AIDA: variants seen among roughly 807,000 people sequenced by gnomAD.
AIDA encodes axin interactor, dorsalization associated.
Under a neutral mutation model 42.7 loss-of-function variants are expected in AIDA, and 18 were observed. That is an observed-to-expected ratio of 0.42 (90% confidence interval 0.29 to 0.63). The LOEUF (loss-of-function observed/expected upper bound fraction) is 0.63, where lower values mean the gene tolerates loss of function less well. Among genes scored for constraint, AIDA ranks in the 20% least tolerant of loss-of-function variants. The probability of loss-of-function intolerance (pLI) is 0.19; values close to 1 mark genes in which losing one functional copy is unlikely to be tolerated. For missense variants in AIDA, 250 were observed against 354.1 expected (o/e 0.71, Z 2.36); for synonymous variants, 104 against 122.9 (o/e 0.85, Z 1.02).
chr1:222,693,411 G>A (rs903595330), intron 4 of AIDA, among the ~76,000 whole-genome samples: 5 of 152,124 alleles, frequency 3.3e-5, no homozygotes, highest in Non-Finnish European at 7.4e-5. Flanking sequence ...ATTTTGCAGA[G>A]CAGCTCCAAC....
intron 6 of AIDA, among the ~76,000 whole-genome samples, chr1:222,678,682 A>C (rs769070295): frequency 2.6e-5 from 4 of 152,154 alleles, no homozygotes; most frequent in Non-Finnish European, 4.4e-5. Flanking sequence ...TTTCATCTCC[A>C]CCATGAAGGT....
chr1:222,700,914 T>G (rs1388243663), intron 2 of AIDA, among the ~76,000 whole-genome samples: 1 of 150,224 alleles, frequency 6.7e-6, no homozygotes, highest in Non-Finnish European at 1.5e-5. Flanking sequence ...TAAGAAAAAG[T>G]TAATTTTTTC....
At chr1:222,712,105 A>G (rs575394592) in intron 1 of AIDA, 103 bp downstream of exon 1, 86 of 1,520,872 alleles carry the variant, frequency 5.7e-5, no homozygotes, top group Non-Finnish European at 7.1e-5. Context: ...CCCCACCCTG[A>G]GAAGCCTTGG....
chr1:222,674,524 TC>T (rs1664512035), intron 7 of AIDA, among the ~76,000 whole-genome samples: 2 of 152,032 alleles, frequency 1.3e-5, no homozygotes, highest in African/African-American at 4.8e-5. Context: ...ATTATCAGAA[TC>T]CCCCTGCTGT....
At chr1:222,701,389 A>T (rs1414482467) in intron 2 of AIDA, among the ~76,000 whole-genome samples, 2 of 152,212 alleles carry the variant, frequency 1.3e-5, no homozygotes, top group Non-Finnish European at 2.9e-5. Context: ...TAACTCAAAC[A>T]GGTGATTAAA....
At chr1:222,695,370 T>C (rs1283393777) in intron 2 of AIDA, among the ~76,000 whole-genome samples, 2 of 152,138 alleles carry the variant, frequency 1.3e-5, no homozygotes, top group Non-Finnish European at 2.9e-5. Context: ...CACATGCCTG[T>C]AGTCCCAGCT....
chr1:222,698,670 C>T (rs1042986827), intron 2 of AIDA, among the ~76,000 whole-genome samples: 2 of 151,972 alleles, frequency 1.3e-5, no homozygotes, highest in African/African-American at 2.4e-5. Flanking sequence ...AGGCTGGTCT[C>T]GAATTCCAGA....
intron 1 of AIDA, among the ~76,000 whole-genome samples, chr1:222,705,195 A>T (rs1471252601): frequency 2.0e-5 from 3 of 152,238 alleles, no homozygotes. Context: ...TTTTCTCCCA[A>T]AGCTGGAAGC....
chr1:222,670,319 G>C (rs1403141667), intron 8 of AIDA, 69 bp from the exon 9 acceptor site: 4 of 1,281,908 alleles, frequency 3.1e-6, no homozygotes, highest in Middle Eastern at 1.9e-4. Flanking sequence ...AATTTTCTTT[G>C]ATCACCAGAA....
intron 1 of AIDA, among the ~76,000 whole-genome samples, chr1:222,703,449 T>C (rs1655763136): frequency 6.6e-6 from 1 of 152,154 alleles, no homozygotes; most frequent in African/African-American, 2.4e-5. Context: ...ACTTCAGCTC[T>C]AGGCAGTAAA....
intron 2 of AIDA, among the ~76,000 whole-genome samples, chr1:222,698,463 T>C (rs1396161800): frequency 1.3e-5 from 2 of 151,378 alleles, no homozygotes; most frequent in Non-Finnish European, 3.0e-5. Context: ...TTTTTTTTTT[T>C]TTTTTGAGAC....
intron 4 of AIDA, among the ~76,000 whole-genome samples, chr1:222,691,501 C>T (rs1655370460): frequency 6.6e-6 from 1 of 151,910 alleles, no homozygotes; most frequent in African/African-American, 2.4e-5. Flanking sequence ...AAGTATAAAC[C>T]TACATTATTA....
At chr1:222,709,867 T>A (rs1024064643) in intron 1 of AIDA, among the ~76,000 whole-genome samples, 1 of 152,248 alleles carries the variant, frequency 6.6e-6, no homozygotes, top group Non-Finnish European at 1.5e-5. Flanking sequence ...TAACCCTTAG[T>A]TGTTGAGTCA....
At chr1:222,708,184 G>A (rs914987709) in intron 1 of AIDA, among the ~76,000 whole-genome samples, 14 of 151,812 alleles carry the variant, frequency 9.2e-5, no homozygotes, top group South Asian at 4.2e-4. Context: ...GGTGGCACGC[G>A]CCTGTAGTCC....
intron 5 of AIDA, 98 bp downstream of exon 5, chr1:222,687,497 T>G (rs1284962043): frequency 4.8e-5 from 49 of 1,018,332 alleles, no homozygotes; most frequent in Non-Finnish European, 6.5e-5. Context: ...ATGTCAATGA[T>G]ATCAATAATA....
At chr1:222,697,681 C>T (rs979167708) in intron 2 of AIDA, among the ~76,000 whole-genome samples, 2 of 151,872 alleles carry the variant, frequency 1.3e-5, no homozygotes, top group African/African-American at 2.4e-5. Flanking sequence ...TAGAAATGGA[C>T]GATTAAAGAG....
chr1:222,679,943 G>A (rs560166975), intron 6 of AIDA, among the ~76,000 whole-genome samples: 1 of 152,336 alleles, frequency 6.6e-6, no homozygotes, highest in South Asian at 2.1e-4. Flanking sequence ...GGCTACAACT[G>A]TCTAAATCAA....
chr1:222,672,794 G>A (rs182950968), intron 8 of AIDA, among the ~76,000 whole-genome samples: 1 of 152,316 alleles, frequency 6.6e-6, no homozygotes, highest in Admixed American at 6.5e-5. Flanking sequence ...CACCTTTTTG[G>A]AGAACACTCA....
intron 8 of AIDA, among the ~76,000 whole-genome samples, chr1:222,670,553 A>G (rs1664429072): frequency 6.6e-6 from 1 of 152,238 alleles, no homozygotes; most frequent in Admixed American, 6.5e-5. Flanking sequence ...ATAAGCTGCT[A>G]TAAAATATGA....
Sources: gnomAD v4.1 joint callset for allele counts (sites outside exome capture counted in the v4.1 genomes callset) on GRCh38, gnomAD v4.1.1 for gene constraint, MANE v1.5 for transcripts, NCBI Gene and HGNC (gene_info 2026-07-23, HGNC 2026-07-21) for gene names.